SEC24C: variants seen among roughly 807,000 people sequenced by gnomAD.
SEC24C encodes protein transport protein Sec24C.
SEC24C carries 22 observed loss-of-function variants against 117.0 expected under a neutral mutation model. That is an observed-to-expected ratio of 0.19 (90% confidence interval 0.13 to 0.27). The LOEUF (loss-of-function observed/expected upper bound fraction) is 0.27. SEC24C is among the 10% of genes least tolerant of loss of function. The pLI is 1.00. For synonymous variants in SEC24C, 506 were observed against 529.4 expected, an observed-to-expected ratio of 0.96 and a Z score of 0.61; for missense variants, 1,155 against 1,375.1, an observed-to-expected ratio of 0.84 and a Z score of 2.53.
intron 2 of SEC24C, among the ~76,000 whole-genome samples, chr10:73,748,033 G>C (rs1681770913): frequency 1.3e-5 from 2 of 152,230 alleles, no homozygotes; most frequent in African/African-American, 2.4e-5. Context: ...GACCTCAAAT[G>C]ATCCACCAGC....
At chr10:73,756,227 G>C (rs2082708017) in intron 3 of SEC24C, among the ~76,000 whole-genome samples, 1 of 152,192 alleles carries the variant, frequency 6.6e-6, no homozygotes, top group Admixed American at 6.5e-5. Context: ...TCATCATCTT[G>C]AGAAGCCAGG....
chr10:73,748,847 A>G (rs2082601676), intron 2 of SEC24C, among the ~76,000 whole-genome samples: 1 of 151,848 alleles, frequency 6.6e-6, no homozygotes, highest in South Asian at 2.1e-4. Context: ...GGTTCAAGTG[A>G]TTCTCGTGCC....
At chr10:73,765,657 G>C (rs185436900) in intron 9 of SEC24C, 68 bp downstream of exon 9, 4 of 1,591,910 alleles carry the variant, frequency 2.5e-6, no homozygotes, top group Non-Finnish European at 3.4e-6. Context: ...CTATTAAATA[G>C]TTAGAGAGAT....
Position 73,771,214 on chromosome 10 carries a change from G to A in SEC24C, c.*119G>A. On this transcript the variant is annotated 3_prime_UTR_variant, in exon 23 of 23. Coordinates refer to ENST00000345254, the MANE Select transcript of SEC24C (RefSeq NM_198597.3). ...CTGACCTCAGTCTCTCTGGGGGGAGGGGGAGATATAAGGAGACACCTTCTT... is the reference window on the plus strand; with the variant it reads ...CTGACCTCAGTCTCTCTGGGGGGAGAGGGAGATATAAGGAGACACCTTCTT... 1 of 1,214,248 alleles carries A rather than the reference G, an allele frequency of 8.2e-7. No homozygotes were observed. The highest frequency in any genetic ancestry group is 1.5e-5 in the African/African-American group (1 of 65,880). The allele number at this position is 1,214,248 out of a possible 1,614,324, so 75.2% of individuals were successfully genotyped here.
chr10:73,766,764 T>C lies in SEC24C; in HGVS notation c.1804T>C (p.Leu602=). Residue 602 remains leucine (L), a synonymous_variant, in exon 13 of 23, where the codon TTG becomes CTG. Transcript: ENST00000345254. The part of the protein sequence containing the change: ...NESRAVITSL[L]DQIPEMFADT... Reference sequence around the variant, plus strand: ...TTCCGTCACCTATCTCTTTAGCTTATTGGATCAGATTCCAGAAATGTTTGC... The same window carrying C: ...TTCCGTCACCTATCTCTTTAGCTTACTGGATCAGATTCCAGAAATGTTTGC... 6.2e-7 allele frequency: 1 copy of C among 1,613,948 alleles called. No homozygotes were observed. The highest frequency in any genetic ancestry group is 8.5e-7 in the Non-Finnish European group (1 of 1,179,818).
intron 2 of SEC24C, among the ~76,000 whole-genome samples, chr10:73,750,169 C>T (rs773409826): frequency 1.3e-5 from 2 of 152,212 alleles, no homozygotes; most frequent in Non-Finnish European, 2.9e-5. Flanking sequence ...TCGAGTTTGG[C>T]ATTCTCTCAT....
Position 73,771,692 on chromosome 10 carries a change from T to C in SEC24C, c.*597T>C, listed in dbSNP as rs556247302. 660 of 153,436 alleles carry C rather than the reference T, an allele frequency of 4.3e-3. 2 individuals are homozygous for C. Among genetic ancestry groups the C allele is most frequent in the Non-Finnish European group, 7.6e-3 (518 of 68,552 alleles). 9.5% of individuals were successfully genotyped at this position (153,436 alleles called of 1,614,324 possible). A position where few individuals can be genotyped will look rare whatever the true frequency, so the allele number is the denominator to read the frequency against. The stretch of plus-strand genomic sequence containing the variant: ...TCACTCCGTGGATAGAGAGGCACAC[T>C]GTCAGAGGTGACCGGAGAACTGAGT... On this transcript the variant is annotated 3_prime_UTR_variant, in exon 23 of 23. Transcript: ENST00000345254.
At position 73,752,675 on chromosome 10, in the gene SEC24C, C is replaced by T. The variant is rs151117972; in HGVS notation, c.308+1432C>T. On this transcript the variant is annotated intron_variant, in intron 3 of 22. Coordinates refer to ENST00000345254, the MANE Select transcript of SEC24C (RefSeq NM_198597.3). Reference sequence around the variant, plus strand: ...GGGAGCTGTTTTAAATACATTGGTCCGTGCTGGGTGCAGTGGCTGACTCCT... The same window carrying T: ...GGGAGCTGTTTTAAATACATTGGTCTGTGCTGGGTGCAGTGGCTGACTCCT... Among the ~76,000 whole-genome samples the T allele has an allele frequency of 4.5e-3, 681 of 151,908 alleles. 4 individuals are homozygous for T. The highest frequency in any genetic ancestry group is 5.5e-3 in the Non-Finnish European group (373 of 67,954).
In SEC24C at chr10:73,763,991, A is replaced by G; in HGVS notation, c.1227+8A>G. 1 of 1,573,020 alleles carries G rather than the reference A, an allele frequency of 6.4e-7. No individual in the cohort carries two copies. The highest frequency in any genetic ancestry group is 1.1e-5 in the South Asian group (1 of 87,270). On this transcript the variant is annotated splice_region_variant and intron_variant, in intron 8 of 22. Coordinates refer to ENST00000345254, the MANE Select transcript of SEC24C (RefSeq NM_198597.3). ...AGGCTGCCCCCAGAGGAGGTGAGTC[A>G]GGGAAGGGGCTAGAGTGTAATGAAA...
chr10:73,766,610 G>A, intron 12 of SEC24C, 69 bp downstream of exon 12: 1 of 1,522,796 alleles, frequency 6.6e-7, no homozygotes, highest in Non-Finnish European at 8.9e-7. Context: ...TCATGGAGTT[G>A]AACAGAGGTA....
At chr10:73,761,880 T>C (rs2082802504) in intron 6 of SEC24C, among the ~76,000 whole-genome samples, 2 of 152,056 alleles carry the variant, frequency 1.3e-5, no homozygotes, top group Admixed American at 1.3e-4. Context: ...CCCCTTTCCT[T>C]ATCTTTCTAC....
intron 3 of SEC24C, among the ~76,000 whole-genome samples, chr10:73,756,899 ATTTTTTTTTTTTT>A (rs1172846982): frequency 7.2e-5 from 3 of 41,898 alleles, no homozygotes; most frequent in African/African-American, 2.1e-4. Context: ...TTCCTGGCCA[ATTTTTTTTTTTTT>A]TTTTTTTTTT....
intron 22 of SEC24C, 24 bp downstream of exon 22, chr10:73,770,822 T>C: frequency 6.2e-7 from 1 of 1,613,564 alleles, no homozygotes; most frequent in East Asian, 2.2e-5. Context: ...GAACCCTGGA[T>C]TTCTTACCTT....
rs1347093829 is a variant in SEC24C at position 73,760,165 on chromosome 10, C to T, written c.629C>T (p.Ala210Val). ...CCCCAGCGATCTGCCCCATCACAGGCCTCCAGCTTCACACCCCCAGCTTCA... is the reference window on the plus strand; with the variant it reads ...CCCCAGCGATCTGCCCCATCACAGGTCTCCAGCTTCACACCCCCAGCTTCA... The part of the protein sequence containing the change: ...QTPQRSAPSQ[A>V]SSFTPPASGG... Residue 210 changes from alanine (A) to valine (V), a missense_variant, in exon 5 of 23, where the codon GCC becomes GTC. Physicochemically the swap from Ala to Val is moderately conservative, Grantham distance 64. This residue lies in a region of SEC24C where 396 missense variants were observed against 382.8 expected (regional missense o/e 1.03). Coordinates refer to ENST00000345254, the MANE Select transcript of SEC24C (RefSeq NM_198597.3). 6.2e-7 allele frequency: 1 copy of T among 1,614,062 alleles called. No individual in the cohort carries two copies. Among genetic ancestry groups the T allele is most frequent in the Non-Finnish European group, 8.5e-7 (1 of 1,180,028 alleles).
In SEC24C at chr10:73,766,290, C is replaced by T. The variant is rs886221372; in HGVS notation, c.1608-60C>T. On this transcript the variant is annotated intron_variant, in intron 11 of 22. Transcript: ENST00000345254. Reference sequence around the variant, plus strand: ...TGACTGAAGAAATGTAGCTTGGTGTCATGAAGTTGTGGGTGGTGGAAAAGG... The same window carrying T: ...TGACTGAAGAAATGTAGCTTGGTGTTATGAAGTTGTGGGTGGTGGAAAAGG... 13 of 1,581,430 alleles carry T rather than the reference C, an allele frequency of 8.2e-6. No individual in the cohort carries two copies. In the African/African-American group the frequency reaches 1.6e-4, roughly 20 times the overall value.
At chr10:73,759,195 CAA>C (rs745357787) in intron 3 of SEC24C, among the ~76,000 whole-genome samples, 26 of 114,348 alleles carry the variant, frequency 2.3e-4, no homozygotes, top group Admixed American at 4.4e-4. Context: ...GACCCTGTCT[CAA>C]AAAAAAAAAA....
At chr10:73,767,265 A>AC in intron 14 of SEC24C, 95 bp downstream of exon 14, 1 of 771,746 alleles carries the variant, frequency 1.3e-6, no homozygotes, top group Non-Finnish European at 2.2e-6. Context: ...CAGACACTCC[A>AC]CCCTTTCAAA....
intron 7 of SEC24C, 100 bp downstream of exon 7, chr10:73,763,701 GT>G (rs889435844): frequency 1.4e-5 from 2 of 147,552 alleles, no homozygotes; most frequent in African/African-American, 1.2e-4. Context: ...TTTTTTTTTA[GT>G]TTTTAACCAG....
chr10:73,764,559 T>A (rs1469238931), intron 8 of SEC24C, among the ~76,000 whole-genome samples: 1 of 151,382 alleles, frequency 6.6e-6, no homozygotes, highest in African/African-American at 2.4e-5. Context: ...AGGGCCAAAT[T>A]GTAGGGGAGA....
Sources: allele counts gnomAD v4.1 joint callset (sites outside exome capture counted in the v4.1 genomes callset), GRCh38; gene constraint gnomAD v4.1.1; regional missense constraint gnomAD v4.1.1; transcripts MANE v1.5; gene names NCBI Gene and HGNC (gene_info 2026-07-23, HGNC 2026-07-21).